The following CRY1 variants were observed in gnomAD, a reference collection of about 807,000 sequenced individuals.
CRY1 encodes the protein cryptochrome circadian regulator 1.
A neutral mutation model predicts 76.0 loss-of-function variants in CRY1; 45 were observed. The observed-to-expected ratio is 0.59, with a 90% CI of 0.47 to 0.76. The LOEUF (loss-of-function observed/expected upper bound fraction) is 0.76, where lower values mean the gene tolerates loss of function less well. Among genes scored for constraint, CRY1 ranks in the 30% least tolerant of loss-of-function variants. The pLI is 0.00. For missense variants in CRY1, 587 were observed against 716.4 expected, an observed-to-expected ratio of 0.82 and a Z score of 2.06; for synonymous variants, 248 against 244.0, an observed-to-expected ratio of 1.02 and a Z score of -0.15.
intron 1 of CRY1, among the ~76,000 whole-genome samples, chr12:107,023,008 G>A (rs1952575046): frequency 6.6e-6 from 1 of 152,094 alleles, no homozygotes; most frequent in South Asian, 2.1e-4. Context: ...CGAAGAAATG[G>A]AACATTCCCA....
At chr12:107,077,433 G>A (rs1008568296) in intron 1 of CRY1, among the ~76,000 whole-genome samples, 6 of 152,170 alleles carry the variant, frequency 3.9e-5, no homozygotes, top group Admixed American at 3.9e-4. Flanking sequence ...ATGACTAAAT[G>A]AAGGGAGAGA....
intron 1 of CRY1, among the ~76,000 whole-genome samples, chr12:107,091,526 C>T (rs909597777): frequency 1.1e-4 from 17 of 152,172 alleles, no homozygotes; most frequent in African/African-American, 3.9e-4. Context: ...TCCACCTCCA[C>T]TCCCCAATTC....
At chr12:107,032,229 C>T (rs892618569) in intron 1 of CRY1, among the ~76,000 whole-genome samples, 1 of 151,452 alleles carries the variant, frequency 6.6e-6, no homozygotes, top group Non-Finnish European at 1.5e-5. Context: ...CCACCACGCC[C>T]GGCCAGTACT....
intron 1 of CRY1, among the ~76,000 whole-genome samples, chr12:107,043,423 C>G (rs1840308907): frequency 1.3e-5 from 2 of 152,132 alleles, no homozygotes; most frequent in Non-Finnish European, 2.9e-5. Context: ...GAAATGGTTC[C>G]TGGTCTTCCC....
At chr12:107,089,456 T>C (rs1470590808) in intron 1 of CRY1, among the ~76,000 whole-genome samples, 3 of 152,086 alleles carry the variant, frequency 2.0e-5, no homozygotes, top group South Asian at 2.1e-4. Context: ...TGCCTCAGCC[T>C]CCTGAGTAGC....
chr12:107,019,045 C>A (rs1240252674), intron 2 of CRY1, among the ~76,000 whole-genome samples: 1 of 152,120 alleles, frequency 6.6e-6, no homozygotes, highest in African/African-American at 2.4e-5. Flanking sequence ...AGATTAATTA[C>A]CTATTAAAAA....
intron 1 of CRY1, among the ~76,000 whole-genome samples, chr12:107,026,091 T>C (rs1405971109): frequency 1.6e-5 from 1 of 61,608 alleles, no homozygotes; most frequent in Non-Finnish European, 4.2e-5. Flanking sequence ...ATACATATTA[T>C]ATATATAACA....
chr12:107,009,685 G>T (rs938022935), intron 2 of CRY1, among the ~76,000 whole-genome samples: 1 of 149,202 alleles, frequency 6.7e-6, no homozygotes, highest in African/African-American at 2.5e-5. Context: ...AACATGGGAG[G>T]ATGGCTTGAG....
At chr12:107,016,729 T>G (rs1431722860) in intron 2 of CRY1, among the ~76,000 whole-genome samples, 3 of 152,330 alleles carry the variant, frequency 2.0e-5, no homozygotes, top group Non-Finnish European at 4.4e-5. Context: ...TACATTAACA[T>G]GCCTAAAAGG....
chr12:107,073,739 AT>A (rs1262553928), intron 1 of CRY1, among the ~76,000 whole-genome samples: 2 of 152,184 alleles, frequency 1.3e-5, no homozygotes, highest in African/African-American at 4.8e-5. Context: ...TTTCAAAAAA[AT>A]AGAAAAGACT....
chr12:107,052,802 A>C (rs1952938246), intron 1 of CRY1, among the ~76,000 whole-genome samples: 1 of 152,220 alleles, frequency 6.6e-6, no homozygotes, highest in African/African-American at 2.4e-5. Context: ...CAGCACAGAG[A>C]GTGAAAGAGT....
At chr12:107,068,379 C>A (rs1300188506) in intron 1 of CRY1, among the ~76,000 whole-genome samples, 1 of 152,122 alleles carries the variant, frequency 6.6e-6, no homozygotes, top group Non-Finnish European at 1.5e-5. Flanking sequence ...CTAACTGCAA[C>A]CTCCGCCTCC....
chr12:107,003,998 G>A (rs1952342383), intron 3 of CRY1, among the ~76,000 whole-genome samples: 1 of 151,914 alleles, frequency 6.6e-6, no homozygotes, highest in South Asian at 2.1e-4. Context: ...TAGAGATGAG[G>A]GTTTCACCAT....
At chr12:106,997,418 T>G (rs1361328472) in intron 9 of CRY1, 32 bp from the exon 10 acceptor site, 2 of 1,612,002 alleles carry the variant, frequency 1.2e-6, no homozygotes. Flanking sequence ...TTTTAAATTA[T>G]GATCAAGATA....
intron 1 of CRY1, among the ~76,000 whole-genome samples, chr12:107,063,166 A>C (rs933805752): frequency 6.6e-6 from 1 of 152,230 alleles, no homozygotes; most frequent in Non-Finnish European, 1.5e-5. Context: ...TATTCTAAGC[A>C]AGAAATGCAG....
At chr12:106,997,133 G>A (rs114913467) in intron 10 of CRY1, among the ~76,000 whole-genome samples, 161 bp downstream of exon 10, 1,895 of 152,310 alleles carry the variant, frequency 0.012, 33 homozygotes, top group African/African-American at 0.043. Context: ...ATGGAGTGAA[G>A]AGATGTGTCT....
At chr12:107,009,399 C>T (rs949565016) in intron 2 of CRY1, among the ~76,000 whole-genome samples, 15 of 151,512 alleles carry the variant, frequency 9.9e-5, no homozygotes, top group Non-Finnish European at 1.8e-4. Context: ...ATTAGCCAGA[C>T]GTGGTGGTGG....
intron 1 of CRY1, among the ~76,000 whole-genome samples, chr12:107,036,136 A>G (rs1052399792): frequency 2.0e-5 from 3 of 152,178 alleles, no homozygotes; most frequent in African/African-American, 7.2e-5. Flanking sequence ...AGGGCTTTAC[A>G]TTGCCTTCAC....
At chr12:107,057,996 T>C (rs189403947) in intron 1 of CRY1, among the ~76,000 whole-genome samples, 1 of 149,174 alleles carries the variant, frequency 6.7e-6, no homozygotes, top group Admixed American at 6.7e-5. Flanking sequence ...TTTGAGGCTG[T>C]AGTAAGCCAT....
Sources: gnomAD v4.1 joint callset for allele counts (sites outside exome capture counted in the v4.1 genomes callset) on GRCh38, gnomAD v4.1.1 for gene constraint, MANE v1.5 for transcripts, NCBI Gene and HGNC (gene_info 2026-07-23, HGNC 2026-07-21) for gene names.